Variants in HIBADH observed in about 807,000 individuals in gnomAD.
The protein encoded by HIBADH is 3-hydroxyisobutyrate dehydrogenase.
Under a neutral mutation model 36.1 loss-of-function variants are expected in HIBADH, and 25 were observed. The ratio of observed to expected loss-of-function variants is 0.69; its 90% CI spans 0.50 to 0.97. HIBADH has a LOEUF of 0.97. Ranked by LOEUF, HIBADH falls within the 50% of genes least tolerant of loss-of-function variation. The probability of loss-of-function intolerance (pLI) is 0.00; values close to 1 mark genes in which losing one functional copy is unlikely to be tolerated. For synonymous variants in HIBADH, 160 were observed against 149.5 expected, an observed-to-expected ratio of 1.07 and a Z score of -0.51; for missense variants, 421 against 418.0, an observed-to-expected ratio of 1.01 and a Z score of -0.06.
At chr7:27,625,685 A>C (rs76822614) in intron 4 of HIBADH, among the ~76,000 whole-genome samples, 1 of 152,132 alleles carries the variant, frequency 6.6e-6, no homozygotes, top group Non-Finnish European at 1.5e-5. Flanking sequence ...TGTTGCACAT[A>C]TATTCAATAT....
At chr7:27,574,209 A>C (rs1415228395) in intron 4 of HIBADH, among the ~76,000 whole-genome samples, 1 of 152,206 alleles carries the variant, frequency 6.6e-6, no homozygotes, top group Non-Finnish European at 1.5e-5. Flanking sequence ...TTTAGAAATT[A>C]GATAGTTGGA....
At chr7:27,629,535 T>A in intron 3 of HIBADH, 43 bp from the exon 4 acceptor site, 1 of 1,405,134 alleles carries the variant, frequency 7.1e-7, no homozygotes, top group Non-Finnish European at 9.5e-7. Flanking sequence ...CAACTCTGAG[T>A]AAAAATTTCA....
intron 4 of HIBADH, among the ~76,000 whole-genome samples, chr7:27,553,530 C>T (rs1371861570): frequency 2.0e-5 from 3 of 152,154 alleles, no homozygotes; most frequent in Non-Finnish European, 4.4e-5. Context: ...CAGAATGTTC[C>T]GCATGGAGCT....
At chr7:27,617,413 A>C (rs986378836) in intron 4 of HIBADH, among the ~76,000 whole-genome samples, 1 of 152,230 alleles carries the variant, frequency 6.6e-6, no homozygotes, top group African/African-American at 2.4e-5. Flanking sequence ...TGATCTCAGC[A>C]GTCCTAACAC....
intron 4 of HIBADH, among the ~76,000 whole-genome samples, chr7:27,588,490 G>A (rs1479267447): frequency 6.6e-6 from 1 of 151,870 alleles, no homozygotes; most frequent in Non-Finnish European, 1.5e-5. Context: ...ACCACACCCA[G>A]CTAAGATTTT....
At chr7:27,656,635 T>A (rs1338760165) in intron 1 of HIBADH, among the ~76,000 whole-genome samples, 1 of 152,202 alleles carries the variant, frequency 6.6e-6, no homozygotes, top group Non-Finnish European at 1.5e-5. Context: ...GAAACAGTAC[T>A]TACACCTGGA....
rs60822008 is a variant in HIBADH, at chr7:27,650,516, G to T, written c.92-883C>A. On this transcript the variant is annotated intron_variant, in intron 1 of 7. Coordinates refer to ENST00000265395, the MANE Select transcript of HIBADH (RefSeq NM_152740.4). ...TATTTATTTATTTATTTTTTGAGAC[G>T]GAGTCTCACTCTGTCACCCAGATTG... Among the ~76,000 whole-genome samples the T allele has an allele frequency of 8.5e-3, 1,209 of 141,466 alleles. 14 individuals carry two copies. The highest frequency in any genetic ancestry group is 0.025 in the African/African-American group (954 of 38,496). 92.8% of individuals were successfully genotyped at this position (141,466 alleles called of 152,430 possible). A position where few individuals can be genotyped will look rare whatever the true frequency, so the allele number is the denominator to read the frequency against.
At chr7:27,662,317 GT>G (rs1375077351) in intron 1 of HIBADH, among the ~76,000 whole-genome samples, 1 of 152,134 alleles carries the variant, frequency 6.6e-6, no homozygotes, top group African/African-American at 2.4e-5. Flanking sequence ...AAGACCAGGG[GT>G]CGCTGGGGTG....
chr7:27,590,048 T>C (rs1583584673), intron 4 of HIBADH, among the ~76,000 whole-genome samples: 1 of 152,194 alleles, frequency 6.6e-6, no homozygotes, highest in Non-Finnish European at 1.5e-5. Flanking sequence ...GCCCTGAGGT[T>C]AGGATTTTGG....
At chr7:27,650,460 TTTTA>T (rs148153152) in intron 1 of HIBADH, among the ~76,000 whole-genome samples, 71,941 of 139,892 alleles carry the variant, frequency 0.51, 19,705 homozygotes, top group East Asian at 0.86. Flanking sequence ...CTTATTATAT[TTTTA>T]TTTATTTATT....
intron 1 of HIBADH, among the ~76,000 whole-genome samples, chr7:27,650,287 A>G (rs1372732334): frequency 6.6e-6 from 1 of 151,102 alleles, no homozygotes; most frequent in Non-Finnish European, 1.5e-5. Flanking sequence ...TACAAAAAAA[A>G]AAAAACTCAA....
At chr7:27,646,335 C>T (rs1786070502) in intron 2 of HIBADH, among the ~76,000 whole-genome samples, 1 of 152,126 alleles carries the variant, frequency 6.6e-6, no homozygotes, top group South Asian at 2.1e-4. Context: ...ATGTCTTTCA[C>T]ATTAATTTCA....
At chr7:27,618,245 A>G (rs1785469228) in intron 4 of HIBADH, among the ~76,000 whole-genome samples, 1 of 152,154 alleles carries the variant, frequency 6.6e-6, no homozygotes, top group African/African-American at 2.4e-5. Context: ...CGGGGCAGAG[A>G]GTGGTGACTG....
chr7:27,562,294 GATCT>G (rs1274656378), intron 4 of HIBADH, among the ~76,000 whole-genome samples: 6 of 152,066 alleles, frequency 3.9e-5, no homozygotes, highest in Admixed American at 1.3e-4. Context: ...ATCAAATCTT[GATCT>G]ATCTTTCATA....
intron 4 of HIBADH, among the ~76,000 whole-genome samples, chr7:27,588,294 CA>C (rs2082572998): frequency 6.6e-6 from 1 of 152,072 alleles, no homozygotes; most frequent in Admixed American, 6.6e-5. Flanking sequence ...AGGATAAATA[CA>C]AGGCAAGAAG....
At chr7:27,534,348 A>C (rs553824282) in intron 6 of HIBADH, among the ~76,000 whole-genome samples, 3 of 152,308 alleles carry the variant, frequency 2.0e-5, no homozygotes, top group Non-Finnish European at 2.9e-5. Flanking sequence ...AACATCTAAG[A>C]CCATGTCAGT....
Position 27,586,713 on chromosome 7 carries a change from G to A in HIBADH, c.484+42658C>T, listed in dbSNP as rs546703628. 1.3e-4 allele frequency among the ~76,000 whole-genome samples: 8 copies of A among 63,962 alleles called. No individual in the cohort carries two copies. The South Asian group carries it at 3.0e-3, about 24-fold the overall frequency. The allele number at this position is 63,962 out of a possible 152,430, so 42.0% of individuals were successfully genotyped here. On this transcript the variant is annotated intron_variant, in intron 4 of 7. Coordinates refer to ENST00000265395, the MANE Select transcript of HIBADH (RefSeq NM_152740.4). ...AGGACAGCACTCTTAGAAAAGGAGGGAAATCACTCTTGTGAGGCGTTAGCT... is the reference window on the plus strand; with the variant it reads ...AGGACAGCACTCTTAGAAAAGGAGGAAAATCACTCTTGTGAGGCGTTAGCT...
chr7:27,636,976 G>A (rs993460966), intron 2 of HIBADH, among the ~76,000 whole-genome samples: 3 of 152,122 alleles, frequency 2.0e-5, no homozygotes, highest in African/African-American at 7.2e-5. Flanking sequence ...CTATAATCAA[G>A]AATGAAAATA....
At chr7:27,615,061 C>G (rs1346006947) in intron 4 of HIBADH, among the ~76,000 whole-genome samples, 2 of 152,098 alleles carry the variant, frequency 1.3e-5, no homozygotes, top group Non-Finnish European at 2.9e-5. Context: ...ATAAAATAGC[C>G]TCTGAGGACT....
Sources: allele counts gnomAD v4.1 joint callset (sites outside exome capture counted in the v4.1 genomes callset), GRCh38; gene constraint gnomAD v4.1.1; transcripts MANE v1.5; gene names NCBI Gene and HGNC (gene_info 2026-07-23, HGNC 2026-07-21).